SEMA3D: variants seen among roughly 807,000 people sequenced by gnomAD.
SEMA3D encodes semaphorin 3D, also known as semaphorin-3D.
A neutral mutation model predicts 100.1 loss-of-function variants in SEMA3D; 84 were observed. That is an observed-to-expected ratio of 0.84 (90% confidence interval 0.70 to 1.01). The LOEUF is 1.01. Ranked by LOEUF, SEMA3D falls within the 50% of genes least tolerant of loss-of-function variation. The pLI is 0.00. For synonymous variants in SEMA3D, 312 were observed against 320.7 expected, an observed-to-expected ratio of 0.97 and a Z score of 0.29; for missense variants, 875 against 934.1, an observed-to-expected ratio of 0.94 and a Z score of 0.82.
At chr7:85,166,967 G>A (rs1163964710) in intron 1 of SEMA3D, among the ~76,000 whole-genome samples, 4 of 151,820 alleles carry the variant, frequency 2.6e-5, no homozygotes, top group Admixed American at 2.0e-4. Flanking sequence ...TCTAAGTGAT[G>A]GTGTACAGTG....
chr7:85,246,814 TGCTC>T, the SEMA3D span, among the ~76,000 whole-genome samples: 1 of 151,970 alleles, frequency 6.6e-6, no homozygotes, highest in East Asian at 1.9e-4. Flanking sequence ...TGTATAAGGA[TGCTC>T]ATAAGCTTGT....
chr7:85,242,135 G>A, the SEMA3D span, among the ~76,000 whole-genome samples: 1 of 151,818 alleles, frequency 6.6e-6, no homozygotes, highest in African/African-American at 2.4e-5. Context: ...ATCAGCCTTT[G>A]GTTTTGTTGA....
In SEMA3D at chr7:85,002,250, C is replaced by T. The variant is rs555979074; in HGVS notation, c.1909-2385G>A. 2.6e-5 allele frequency among the ~76,000 whole-genome samples: 4 copies of T among 152,154 alleles called. No individual in the cohort carries two copies. The South Asian group carries it at 8.3e-4, about 32-fold the overall frequency. On this transcript the variant is annotated intron_variant, in intron 18 of 18. Coordinates refer to ENST00000284136, the MANE Select transcript of SEMA3D (RefSeq NM_001384900.1). ...TCTTCCGTGGAGTGCTGGATTTGTT[C>T]TGTGGTTTTTGACCTACAGATATCA... is the stretch of plus-strand genomic sequence containing the variant.
intron 3 of SEMA3D, among the ~76,000 whole-genome samples, chr7:85,104,321 T>C (rs1268974324): frequency 1.3e-5 from 2 of 152,054 alleles, no homozygotes; most frequent in African/African-American, 4.8e-5. Context: ...CCATATAACA[T>C]AGTAGACCAT....
chr7:85,172,747 C>T (rs1228875072), intron 1 of SEMA3D, among the ~76,000 whole-genome samples: 1 of 151,976 alleles, frequency 6.6e-6, no homozygotes, highest in Non-Finnish European at 1.5e-5. Context: ...CTAGACAGCT[C>T]AAGTAGAGCA....
the SEMA3D span, among the ~76,000 whole-genome samples, chr7:85,199,511 C>T: frequency 2.0e-5 from 3 of 152,016 alleles, no homozygotes; most frequent in African/African-American, 7.2e-5. Flanking sequence ...CCTTTTAATG[C>T]CTTTTGACCT....
the SEMA3D span, among the ~76,000 whole-genome samples, chr7:85,229,177 T>G: frequency 1.3e-5 from 2 of 152,024 alleles, no homozygotes; most frequent in Non-Finnish European, 2.9e-5. Context: ...GACACCATAT[T>G]TTAGAAATCT....
In SEMA3D at chr7:84,999,500, C is replaced by T. The variant is rs1191771054; in HGVS notation, c.2274G>A (p.Lys758=). ...PKWKHMQEMK[K]KRNRRHHRDL... is the part of the protein sequence containing the mutation. ...CTCTGTGATGTCTTCGATTTCGTTTCTTCTTCATTTCCTGCATGTGCTTCC... is the reference window on the plus strand; with the variant it reads ...CTCTGTGATGTCTTCGATTTCGTTTTTTCTTCATTTCCTGCATGTGCTTCC... The change falls in exon 19 of 19, where the codon AAG becomes AAA. Residue 758 remains lysine, a synonymous_variant. Coordinates refer to ENST00000284136, the MANE Select transcript of SEMA3D (RefSeq NM_001384900.1). 6.2e-7 allele frequency: 1 copy of T among 1,614,076 alleles called. No homozygotes were observed. Among genetic ancestry groups the T allele is most frequent in the Admixed American group, 1.7e-5 (1 of 59,978 alleles).
chr7:85,038,611 T>C (rs542343712), intron 11 of SEMA3D, among the ~76,000 whole-genome samples: 1 of 152,272 alleles, frequency 6.6e-6, no homozygotes, highest in South Asian at 2.1e-4. Context: ...AAAAACGAAC[T>C]ATCTTGGGGC....
chr7:85,020,391 A>C, intron 13 of SEMA3D, 70 bp from the exon 14 acceptor site: 1 of 1,051,340 alleles, frequency 9.5e-7, no homozygotes. Flanking sequence ...TATCCCTAGA[A>C]ACCTGCAAAT....
chr7:85,115,661 G>A (rs895794576), intron 3 of SEMA3D, among the ~76,000 whole-genome samples: 4 of 151,880 alleles, frequency 2.6e-5, no homozygotes, highest in Admixed American at 2.6e-4. Flanking sequence ...CCTTACATGT[G>A]CAATTTAATG....
chr7:85,040,750 AG>A lies in SEMA3D; in HGVS notation c.977-9del, dbSNP rs775296827. 7.4e-6 allele frequency: 9 copies of A among 1,223,678 alleles called. No individual in the cohort carries two copies. The South Asian group carries it at 9.9e-5, about 14-fold the overall frequency. The allele number at this position is 1,223,678 out of a possible 1,614,324, so 75.8% of individuals were successfully genotyped here. A position where few individuals can be genotyped will look rare whatever the true frequency, so the allele number is the denominator to read the frequency against. ...GGAGTAAATAAATATCTTCTATTAA[AG>A]GGGAAAAATAAATATTTACTCTTAT... On this transcript the variant is annotated splice_polypyrimidine_tract_variant and intron_variant, in intron 10 of 18. Transcript: ENST00000284136.
intron 3 of SEMA3D, among the ~76,000 whole-genome samples, chr7:85,119,143 C>T (rs189142493): frequency 2.0e-5 from 3 of 152,146 alleles, no homozygotes; most frequent in Non-Finnish European, 2.9e-5. Flanking sequence ...GTGGAGAAAA[C>T]GGAATGCTTA....
At chr7:85,166,479 A>G (rs1409266639) in intron 1 of SEMA3D, among the ~76,000 whole-genome samples, 1 of 152,024 alleles carries the variant, frequency 6.6e-6, no homozygotes, top group Non-Finnish European at 1.5e-5. Flanking sequence ...GAAAGTGATA[A>G]TAATAGTAGC....
chr7:85,113,149 T>G (rs1789138526), intron 3 of SEMA3D, among the ~76,000 whole-genome samples: 1 of 152,204 alleles, frequency 6.6e-6, no homozygotes, highest in African/African-American at 2.4e-5. Flanking sequence ...AAATTATTTT[T>G]ACAATTGCAG....
intron 1 of SEMA3D, chr7:85,160,127 G>T: frequency 1.4e-6 from 1 of 737,056 alleles, no homozygotes; most frequent in Non-Finnish European, 1.7e-6. Flanking sequence ...AAGCCTAACA[G>T]GATAATGTCA....
intron 5 of SEMA3D, among the ~76,000 whole-genome samples, chr7:85,081,138 A>C (rs550764473): frequency 6.6e-6 from 1 of 152,318 alleles, no homozygotes; most frequent in African/African-American, 2.4e-5. Context: ...GTGATGCTAA[A>C]ATAACTGAAG....
chr7:85,218,443 G>A, the SEMA3D span, among the ~76,000 whole-genome samples: 6 of 151,900 alleles, frequency 3.9e-5, no homozygotes, highest in East Asian at 7.7e-4. Context: ...TCTTTGATGC[G>A]ACTCTATATT....
intron 2 of SEMA3D, among the ~76,000 whole-genome samples, chr7:85,148,621 T>G (rs1012821991): frequency 1.9e-4 from 29 of 152,188 alleles, no homozygotes; most frequent in Non-Finnish European, 4.0e-4. Flanking sequence ...CAGGTTTCTT[T>G]GCAGTTAGGG....
Sources: allele counts gnomAD v4.1 joint callset (sites outside exome capture counted in the v4.1 genomes callset), GRCh38; gene constraint gnomAD v4.1.1; transcripts MANE v1.5; gene names NCBI Gene and HGNC (gene_info 2026-07-23, HGNC 2026-07-21).